Variants in CELSR1 observed in about 807,000 individuals in gnomAD.
The protein encoded by CELSR1 is adhesion G protein-coupled receptor C1.
In CELSR1, 110 loss-of-function variants were observed where a neutral mutation model predicts 249.1. That is an observed-to-expected ratio of 0.44 (90% CI 0.38 to 0.52). The LOEUF (loss-of-function observed/expected upper bound fraction) is 0.52. CELSR1 is among the 20% of genes least tolerant of loss of function. The pLI is 0.00. For missense variants in CELSR1, 4,109 were observed against 4,296.4 expected, an observed-to-expected ratio of 0.96 and a Z score of 1.22; for synonymous variants, 2,113 against 1,900.0, an observed-to-expected ratio of 1.11 and a Z score of -2.92.
Position 46,500,068 on chromosome 22 carries a change from G to A in CELSR1, c.3544+33559C>T, listed in dbSNP as rs1364259230. Among the ~76,000 whole-genome samples, 25 of 151,910 alleles carry A rather than the reference G, an allele frequency of 1.6e-4. No individual in the cohort carries two copies. The East Asian group carries it at 4.5e-3, about 27-fold the overall frequency. On this transcript the variant is annotated intron_variant, in intron 1 of 34. Coordinates refer to ENST00000674500, the MANE Select transcript of CELSR1 (RefSeq NM_001378328.1). This position sits in a 1 kb window ranked among gnomAD's most constrained non-coding sequence, Gnocchi z 4.9. Reference sequence around the variant, plus strand: ...CAAACGGGTTGTTTTCTGTGAGTCCGGACTCTCTGCTCTGATCCCACCCCA... The same window carrying A: ...CAAACGGGTTGTTTTCTGTGAGTCCAGACTCTCTGCTCTGATCCCACCCCA...
chr22:46,508,024 C>G (rs1164093915), intron 1 of CELSR1, among the ~76,000 whole-genome samples: 1 of 152,234 alleles, frequency 6.6e-6, no homozygotes, highest in Non-Finnish European at 1.5e-5. Flanking sequence ...CGGGATAGCC[C>G]TGGCTGCCAG....
At chr22:46,460,763 C>T (rs530272143) in intron 2 of CELSR1, among the ~76,000 whole-genome samples, 1 of 152,284 alleles carries the variant, frequency 6.6e-6, no homozygotes, top group South Asian at 2.1e-4. Flanking sequence ...CAACCACAGT[C>T]CCAACGCCGT....
intron 5 of CELSR1, among the ~76,000 whole-genome samples, chr22:46,422,780 A>AAAAAAAAAAAAAAAAAG (rs1337523194): frequency 6.7e-6 from 1 of 148,574 alleles, no homozygotes; most frequent in African/African-American, 2.6e-5. Flanking sequence ...AAAAAAAAAA[A>AAAAAAAAAAAAAAAAAG]TGGCTCATAG....
At chr22:46,370,227 G>A (rs2078836927) in intron 25 of CELSR1, 1 of 442,990 alleles carries the variant, frequency 2.3e-6, no homozygotes, top group South Asian at 1.6e-5. Context: ...ACAGATGGAG[G>A]ACGGCGTCAC....
rs190645310 is a variant in CELSR1, at chr22:46,386,274, A to G, written c.6739+128T>C. On this transcript the variant is annotated intron_variant, in intron 19 of 34. Coordinates refer to ENST00000674500, the MANE Select transcript of CELSR1 (RefSeq NM_001378328.1). ...TATGAGCCACTGTGCCCGGCCTCAC[A>G]ATCATTTTTCTAAGAGCATGGCCAA... is the stretch of plus-strand genomic sequence containing the variant. 554 of 1,091,204 alleles carry G rather than the reference A, an allele frequency of 5.1e-4. 3 individuals are homozygous for G. The Middle Eastern group carries it at 7.4e-3, about 15-fold the overall frequency. 67.6% of individuals were successfully genotyped at this position (1,091,204 alleles called of 1,614,324 possible).
At position 46,363,293 on chromosome 22, in the gene CELSR1, G is replaced by A; in HGVS notation, c.9036-46C>T. On this transcript the variant is annotated intron_variant, in intron 34 of 34. Coordinates refer to ENST00000674500, the MANE Select transcript of CELSR1 (RefSeq NM_001378328.1). This position sits in a 1 kb window ranked among gnomAD's most constrained non-coding sequence, Gnocchi z 4.3. ...GCAAGCAGGTGAAGGGTCAGTGAGG[G>A]TAGCGGCTTGGTGGGGCCCAAGGTT... The A allele has an allele frequency of 1.9e-6, 3 of 1,558,920 alleles. No homozygotes were observed. The highest frequency in any genetic ancestry group is 2.2e-5 in the South Asian group (2 of 89,088).
intron 2 of CELSR1, among the ~76,000 whole-genome samples, chr22:46,451,315 C>G (rs888288325): frequency 6.6e-6 from 1 of 152,226 alleles, no homozygotes; most frequent in Non-Finnish European, 1.5e-5. Flanking sequence ...ACTGCAGAAG[C>G]CGCTTGTCCA....
intron 12 of CELSR1, among the ~76,000 whole-genome samples, chr22:46,397,017 C>T (rs111314922): frequency 1.2e-4 from 17 of 142,754 alleles, no homozygotes; most frequent in African/African-American, 5.2e-4. Context: ...TGGGGAATGG[C>T]CACCAGCAGA....
At chr22:46,483,521 A>C (rs916600816) in intron 1 of CELSR1, among the ~76,000 whole-genome samples, 1 of 151,358 alleles carries the variant, frequency 6.6e-6, no homozygotes, top group African/African-American at 2.4e-5. Context: ...TCCTCTGTGA[A>C]CTTGGGCAAG....
Position 46,394,177 on chromosome 22 carries a change from C to T in CELSR1, c.5929G>A (p.Asp1977Asn). 1.2e-6 allele frequency: 2 copies of T among 1,614,050 alleles called. No homozygotes were observed. Among genetic ancestry groups the T allele is most frequent in the Non-Finnish European group, 8.5e-7 (1 of 1,179,954 alleles). ...CACTGGCCGTTGGTCTTATTACAGTCGGGATCAAAGCCTTTGCTGACGGCA... is the reference window on the plus strand; with the variant it reads ...CACTGGCCGTTGGTCTTATTACAGTTGGGATCAAAGCCTTTGCTGACGGCA... ...HCAVSKGFDP[D>N]CNKTNGQCQC... The change falls in exon 14 of 35, where the codon GAC becomes AAC. Residue 1977 changes from aspartate (D) to asparagine (N), a missense_variant. This residue lies in a region of CELSR1 where 1,805 missense variants were observed against 1,831.6 expected (regional missense o/e 0.99). Transcript: ENST00000674500.
chr22:46,460,207 A>ACC (rs1418039389), intron 2 of CELSR1, among the ~76,000 whole-genome samples: 2,304 of 91,144 alleles, frequency 0.025, 52 homozygotes, highest in South Asian at 0.086. Context: ...ACACACACAC[A>ACC]CACACACACC....
intron 2 of CELSR1, among the ~76,000 whole-genome samples, chr22:46,460,205 A>ACCCACACC (rs146876401): frequency 0.37 from 49,322 of 134,490 alleles, 9,149 homozygotes; most frequent in East Asian, 0.51. Flanking sequence ...ACACACACAC[A>ACCCACACC]CACACACACA....
chr22:46,366,168 AAAGGTTGTTGGGGG>A (rs2078775860), intron 30 of CELSR1, among the ~76,000 whole-genome samples: 1 of 6,024 alleles, frequency 1.7e-4, no homozygotes, highest in African/African-American at 1.5e-3. Flanking sequence ...TTGGTGGGGG[AAAGGTTGTTGGGGG>A]AAGGTGCAGG....
rs2079146036 is a variant in CELSR1, at chr22:46,396,248, A to G, written c.5843+357T>C. On this transcript the variant is annotated intron_variant, in intron 13 of 34. Transcript: ENST00000674500. This position sits in a 1 kb window ranked among gnomAD's most constrained non-coding sequence, Gnocchi z 6.4. ...ATGGTGAAACTCCATTTCTACTAAA[A>G]ATACAAAATATTAGCTGGGCATGGT... Among the ~76,000 whole-genome samples the G allele has an allele frequency of 6.6e-6, 1 of 151,990 alleles. No homozygotes were observed. Among genetic ancestry groups the G allele is most frequent in the Admixed American group, 6.5e-5 (1 of 15,272 alleles).
intron 2 of CELSR1, among the ~76,000 whole-genome samples, chr22:46,455,168 A>G (rs1303689821): frequency 6.6e-6 from 1 of 152,218 alleles, no homozygotes; most frequent in Non-Finnish European, 1.5e-5. Context: ...CAGAAAGAGC[A>G]CAGCCCTGCA....
chr22:46,409,791 A>C lies in CELSR1; in HGVS notation c.5023T>G (p.Cys1675Gly). 1 of 1,613,838 alleles carries C rather than the reference A, an allele frequency of 6.2e-7. No individual in the cohort carries two copies. The highest frequency in any genetic ancestry group is 8.5e-7 in the Non-Finnish European group (1 of 1,179,970). The change falls in exon 8 of 35, where the codon TGT (cysteine) becomes GGT (glycine). Residue 1675 changes from cysteine (C) to glycine (G), a missense_variant. Around this residue, in one of 7 missense-constraint regions of CELSR1, gnomAD observed 453 missense variants for 492.0 expected, o/e 0.92. Transcript: ENST00000674500. The surrounding 1 kb of genome is among the most constrained non-coding windows in gnomAD (Gnocchi z 9.8). ...TTCTTCCCGCCGAATCGGAGTGGAC[A>C]CTCACACAGATACATATTCCACCTG... ...VNRWNMYLCE[C>G]PLRFGGKNCE... is the part of the protein sequence containing the mutation.
intron 1 of CELSR1, among the ~76,000 whole-genome samples, chr22:46,496,987 A>G (rs899147634): frequency 1.3e-5 from 2 of 152,254 alleles, no homozygotes; most frequent in Admixed American, 6.5e-5. Context: ...TGAACTATAC[A>G]TAACCGTGTG....
rs1028147948 is a variant in CELSR1 at position 46,391,448 on chromosome 22, G to T, written c.6149-161C>A. ...CCCCCATCCATGTCAGAGCTGGAGA[G>T]GGGTGACCAGGCTCTGACCCACACC... is the stretch of plus-strand genomic sequence containing the variant. On this transcript the variant is annotated intron_variant, in intron 15 of 34. Transcript: ENST00000674500. This position sits in a 1 kb window ranked among gnomAD's most constrained non-coding sequence, Gnocchi z 4.3. Among the ~76,000 whole-genome samples the T allele has an allele frequency of 6.6e-6, 1 of 151,766 alleles. No individual in the cohort carries two copies. The highest frequency in any genetic ancestry group is 6.6e-5 in the Admixed American group (1 of 15,218).
chr22:46,478,872 AAC>A (rs2080237909), intron 1 of CELSR1, among the ~76,000 whole-genome samples: 1 of 151,734 alleles, frequency 6.6e-6, no homozygotes, highest in Non-Finnish European at 1.5e-5. Context: ...CGTCTTAGTA[AAC>A]ACAGCAACGA....
Sources: allele counts gnomAD v4.1 joint callset (sites outside exome capture counted in the v4.1 genomes callset), GRCh38; gene constraint gnomAD v4.1.1; regional missense constraint gnomAD v4.1.1; non-coding constraint Gnocchi (gnomAD v3.1); transcripts MANE v1.5; gene names NCBI Gene and HGNC (gene_info 2026-07-23, HGNC 2026-07-21).